The following TPR variants were observed in gnomAD, a reference collection of about 807,000 sequenced individuals.
TPR encodes translocated promoter region, nuclear basket protein.
TPR carries 51 observed loss-of-function variants against 316.1 expected under a neutral mutation model. The ratio of observed to expected loss-of-function variants is 0.16; its 90% CI spans 0.13 to 0.20. The LOEUF (loss-of-function observed/expected upper bound fraction) is 0.20. Ranked by LOEUF, TPR falls within the 10% of genes least tolerant of loss-of-function variation. The probability of loss-of-function intolerance (pLI) is 1.00; values close to 1 mark genes in which losing one functional copy is unlikely to be tolerated. For missense variants in TPR, 2,272 were observed against 2,754.8 expected, an observed-to-expected ratio of 0.82 and a Z score of 3.92; for synonymous variants, 981 against 914.7, an observed-to-expected ratio of 1.07 and a Z score of -1.31.
chr1:186,360,351 A>G lies in TPR; in HGVS notation c.1113T>C (p.Ser371=). The change falls in exon 11 of 51, where the codon TCT becomes TCC. Residue 371 remains serine (S), a synonymous_variant. Coordinates refer to ENST00000367478, the MANE Select transcript of TPR (RefSeq NM_003292.3). ...GAGACATGGCGGCAAGCTCTTCTTCAGACAATATGGCTCCTGTGCCAACAA... is the reference window on the plus strand; with the variant it reads ...GAGACATGGCGGCAAGCTCTTCTTCGGACAATATGGCTCCTGTGCCAACAA... ...SATKRKGAIL[S]EEELAAMSPT... 1.2e-6 allele frequency: 2 copies of G among 1,613,344 alleles called. No individual in the cohort carries two copies. The highest frequency in any genetic ancestry group is 8.5e-7 in the Non-Finnish European group (1 of 1,179,466).
chr1:186,347,428 T>C lies in TPR; in HGVS notation c.2807A>G (p.Asp936Gly), dbSNP rs1249595755. ...TGTCTGTCTTAGCTGACTCACAAGA[T>C]CATCCACATCTTCTTTGTTGCTAGG... ...GQPSNKEDVDDLVSQLRQTEE... is the reference protein window; with the variant it reads ...GQPSNKEDVDGLVSQLRQTEE... Residue 936 changes from aspartate (D) to glycine (G), a missense_variant, in exon 22 of 51, where the codon GAT (aspartate) becomes GGT (glycine). Physicochemically the swap from Asp to Gly is moderately conservative, Grantham distance 94. Coordinates refer to ENST00000367478, the MANE Select transcript of TPR (RefSeq NM_003292.3). 7 of 1,613,998 alleles carry C rather than the reference T, an allele frequency of 4.3e-6. No homozygotes were observed. The highest frequency in any genetic ancestry group is 5.9e-6 in the Non-Finnish European group (7 of 1,179,964).
chr1:186,327,309 A>G (rs1482515689), intron 40 of TPR, 151 bp downstream of exon 40: 1 of 58,924 alleles, frequency 1.7e-5, no homozygotes, highest in African/African-American at 6.9e-5. Flanking sequence ...AATATATAAT[A>G]TATTAAATAT....
intron 20 of TPR, 108 bp from the exon 21 acceptor site, chr1:186,350,496 C>G: frequency 1.2e-6 from 1 of 824,038 alleles, no homozygotes; most frequent in Non-Finnish European, 1.7e-6. Flanking sequence ...TAACAGAAAA[C>G]AGATTTACCG....
In TPR at chr1:186,361,838, T is replaced by C. The variant is rs772323464; in HGVS notation, c.821A>G (p.Lys274Arg). The C allele has an allele frequency of 1.2e-6, 2 of 1,613,102 alleles. No homozygotes were observed. Among genetic ancestry groups the C allele is most frequent in the Non-Finnish European group, 1.7e-6 (2 of 1,179,300 alleles). ...GTGGGCATTTAATTCATTGTGGAATTTCTCTTCCATACTGGCCTGTTGTTC... is the reference window on the plus strand; with the variant it reads ...GTGGGCATTTAATTCATTGTGGAATCTCTCTTCCATACTGGCCTGTTGTTC... The part of the protein sequence containing the change: ...AKEQQASMEE[K>R]FHNELNAHIK... The change falls in exon 8 of 51, where the codon AAA becomes AGA. Residue 274 changes from lysine (K) to arginine (R), a missense_variant. Coordinates refer to ENST00000367478, the MANE Select transcript of TPR (RefSeq NM_003292.3).
chr1:186,330,660 C>T (rs757731344), intron 39 of TPR, among the ~76,000 whole-genome samples: 2 of 152,110 alleles, frequency 1.3e-5, no homozygotes, highest in African/African-American at 4.8e-5. Context: ...TAAAACCACA[C>T]CTGTCCCTGC....
rs1171365951 is a variant in TPR, at chr1:186,314,713, T to C, written c.6952A>G (p.Ser2318Gly). 1.9e-6 allele frequency: 3 copies of C among 1,609,544 alleles called. No individual in the cohort carries two copies. The highest frequency in any genetic ancestry group is 2.7e-5 in the African/African-American group (2 of 74,728). The change falls in exon 50 of 51, where the codon AGT (serine) becomes GGT (glycine). Residue 2318 changes from serine to glycine, a missense_variant. By Grantham distance (56) the Ser-to-Gly change is moderately conservative. This residue lies in a region of TPR where 123 missense variants were observed against 142.3 expected (regional missense o/e 0.86). Coordinates refer to ENST00000367478, the MANE Select transcript of TPR (RefSeq NM_003292.3). ...PSSSSVDTSS[S>G]QPKPFRRVRL... is the part of the protein sequence containing the mutation. ...ACTCGTCTGAAAGGCTTTGGTTGAC[T>C]ACTACTAGTATCTAAGAAAAACATT...
In TPR at chr1:186,355,415, A is replaced by C; in HGVS notation, c.2166T>G (p.Ser722=). 2 of 1,608,856 alleles carry C rather than the reference A, an allele frequency of 1.2e-6. No homozygotes were observed. Among genetic ancestry groups the C allele is most frequent in the Non-Finnish European group, 1.7e-6 (2 of 1,178,988 alleles). The change falls in exon 17 of 51, where the codon TCT becomes TCG. Residue 722 remains serine (S), a synonymous_variant. Coordinates refer to ENST00000367478, the MANE Select transcript of TPR (RefSeq NM_003292.3). The part of the protein sequence containing the change: ...TKISTQLDFA[S]KRYEMLQDNV... Reference sequence around the variant, plus strand: ...TGAAACAAAAGAAAACTTACCGTTTAGAAGCAAAATCTAGCTGGGTAGAAA... The same window carrying C: ...TGAAACAAAAGAAAACTTACCGTTTCGAAGCAAAATCTAGCTGGGTAGAAA...
intron 3 of TPR, among the ~76,000 whole-genome samples, chr1:186,368,406 G>A (rs1239154017): frequency 6.6e-6 from 1 of 152,144 alleles, no homozygotes; most frequent in Non-Finnish European, 1.5e-5. Context: ...GAGTCTAGGA[G>A]TTCAAGACCA....
chr1:186,373,741 T>C (rs965416276), intron 1 of TPR, among the ~76,000 whole-genome samples: 14 of 152,240 alleles, frequency 9.2e-5, no homozygotes, highest in African/African-American at 3.4e-4. Context: ...ACCTCATTTA[T>C]CTTAGTATTT....
At chr1:186,357,665 A>G in intron 13 of TPR, 42 bp from the exon 14 acceptor site, 6 of 1,527,476 alleles carry the variant, frequency 3.9e-6, no homozygotes, top group East Asian at 2.3e-5. Flanking sequence ...AGTATTAGTT[A>G]CAATTCTGGA....
In TPR at chr1:186,362,400, C is replaced by G. The variant is rs1659223172; in HGVS notation, c.697-20G>C. On this transcript the variant is annotated intron_variant, in intron 6 of 50. Coordinates refer to ENST00000367478, the MANE Select transcript of TPR (RefSeq NM_003292.3). ...AGAAACCTAAAAACAAAAAATAGAGCAGGGGGAAAGGATGTCATATTAACT... is the reference window on the plus strand; with the variant it reads ...AGAAACCTAAAAACAAAAAATAGAGGAGGGGGAAAGGATGTCATATTAACT... 1 of 1,580,594 alleles carries G rather than the reference C, an allele frequency of 6.3e-7. No individual in the cohort carries two copies. The highest frequency in any genetic ancestry group is 8.7e-7 in the Non-Finnish European group (1 of 1,151,044).
At chr1:186,366,696 TAC>T (rs1448962747) in intron 4 of TPR, among the ~76,000 whole-genome samples, 37 of 152,324 alleles carry the variant, frequency 2.4e-4, no homozygotes, top group Middle Eastern at 3.4e-3. Flanking sequence ...TTATTTTAAA[TAC>T]AGTGTGTTAA....
intron 4 of TPR, among the ~76,000 whole-genome samples, chr1:186,364,661 T>G (rs1659284336): frequency 6.6e-6 from 1 of 152,144 alleles, no homozygotes; most frequent in Admixed American, 6.5e-5. Context: ...TTAGAAAGGT[T>G]TGACTTATAA....
intron 38 of TPR, 108 bp from the exon 39 acceptor site, chr1:186,331,689 T>C (rs759528336): frequency 8.1e-5 from 49 of 605,422 alleles, no homozygotes; most frequent in Non-Finnish European, 1.2e-4. Context: ...CTATATTTTA[T>C]GAAACTATAG....
rs1657838702 is a variant in TPR, at chr1:186,323,799, C to G, written c.6184G>C (p.Ala2062Pro). The G allele has an allele frequency of 6.4e-7, 1 of 1,552,784 alleles. No homozygotes were observed. ...GCTCGAGGGGCCTGTCTTTCAGATG[C>G]TGATGATGGCTGTTGTTCTCTAGAA... ...EVSREQQPSS[A>P]SERQAPRAPQ... is the part of the protein sequence containing the mutation. Residue 2062 changes from alanine (A) to proline (P), a missense_variant, in exon 43 of 51, where the codon GCA (alanine) becomes CCA (proline). Around this residue, in one of 10 missense-constraint regions of TPR, gnomAD observed 435 missense variants for 461.1 expected, o/e 0.94. Transcript: ENST00000367478.
In TPR at chr1:186,312,065, A is replaced by G. The variant is rs529196764; in HGVS notation, c.*1906T>C. ...ATTATTAATATCAATATATTATATG[A>G]AAAATGAGAACAAAACTGTTTCCTA... On this transcript the variant is annotated 3_prime_UTR_variant, in exon 51 of 51. Transcript: ENST00000367478. The G allele has an allele frequency of 1.2e-6, 1 of 864,044 alleles. No homozygotes were observed. The highest frequency in any genetic ancestry group is 1.5e-5 in the South Asian group (1 of 65,224). The allele number at this position is 864,044 out of a possible 1,614,324, so 53.5% of individuals were successfully genotyped here.
intron 39 of TPR, among the ~76,000 whole-genome samples, chr1:186,329,401 G>A (rs749728477): frequency 6.6e-5 from 10 of 152,200 alleles, no homozygotes; most frequent in Admixed American, 1.3e-4. Flanking sequence ...TAGAATTCTG[G>A]AATATTTGCA....
intron 50 of TPR, 38 bp from the exon 51 acceptor site, chr1:186,314,064 T>C (rs775873674): frequency 1.3e-6 from 2 of 1,587,786 alleles, no homozygotes; most frequent in Non-Finnish European, 1.7e-6. Context: ...ATATATCTTT[T>C]AAGAATTCAA....
intron 2 of TPR, 138 bp from the exon 3 acceptor site, chr1:186,371,181 C>T: frequency 1.5e-6 from 1 of 663,664 alleles, no homozygotes. Context: ...ACATCACATT[C>T]CAAATTCATG....
Sources: gnomAD v4.1 joint callset for allele counts (sites outside exome capture counted in the v4.1 genomes callset) on GRCh38, gnomAD v4.1.1 for gene constraint, gnomAD v4.1.1 regional missense constraint, MANE v1.5 for transcripts, NCBI Gene and HGNC (gene_info 2026-07-23, HGNC 2026-07-21) for gene names.